RGS6: variants seen among roughly 807,000 people sequenced by gnomAD.
The protein encoded by RGS6 is regulator of G-protein signaling 6.
In RGS6, 30 loss-of-function variants were observed where a neutral mutation model predicts 78.5. That is an observed-to-expected ratio of 0.38 (90% confidence interval 0.29 to 0.52). RGS6 has a LOEUF of 0.52. Ranked by LOEUF, RGS6 falls within the 20% of genes least tolerant of loss-of-function variation. The pLI is 0.85. For synonymous variants in RGS6, 206 were observed against 206.0 expected (o/e 1.00, Z 0.00); for missense variants, 495 against 609.7 (o/e 0.81, Z 1.98).
At chr14:72,502,041 C>T (rs1484530459) in intron 13 of RGS6, among the ~76,000 whole-genome samples, 2 of 152,182 alleles carry the variant, frequency 1.3e-5, no homozygotes, top group Non-Finnish European at 2.9e-5. Context: ...AAGACCAAGG[C>T]CAGATGAAAA....
chr14:72,022,576 TG>T (rs914678830), intron 2 of RGS6: 2 of 152,226 alleles, frequency 1.3e-5, no homozygotes, highest in African/African-American at 4.8e-5. Context: ...TATGGTCACT[TG>T]CTAATACAGG....
rs371109191 is a variant in RGS6, at chr14:71,946,370, C to T, written c.-21+13429C>T. Among the ~76,000 whole-genome samples the T allele has an allele frequency of 2.6e-4, 40 of 152,144 alleles. No homozygotes were observed. The East Asian group carries it at 4.2e-3, about 16-fold the overall frequency. On this transcript the variant is annotated intron_variant, in intron 1 of 17. Transcript: ENST00000553525. ...TCAACTATTAATGGGGTTGCGGGGG[C>T]GGGATGTTCCGTACCCCAGGTCACA...
At chr14:72,348,668 A>T (rs2078517055) in intron 2 of RGS6, among the ~76,000 whole-genome samples, 1 of 152,242 alleles carries the variant, frequency 6.6e-6, no homozygotes, top group South Asian at 2.1e-4. Flanking sequence ...AGAGTTTTAA[A>T]ATAGATGGTG....
At chr14:72,407,017 G>T (rs374778615) in intron 3 of RGS6, among the ~76,000 whole-genome samples, 2 of 152,186 alleles carry the variant, frequency 1.3e-5, no homozygotes, top group East Asian at 3.8e-4. Context: ...GCCACATTGG[G>T]TAATGAAAAC....
the RGS6 span, among the ~76,000 whole-genome samples, chr14:71,875,457 G>T: frequency 6.6e-6 from 1 of 152,126 alleles, no homozygotes; most frequent in Non-Finnish European, 1.5e-5. Flanking sequence ...ATTCTCTGAT[G>T]GTAGTTTGTA....
chr14:72,043,577 A>G (rs751610163), intron 2 of RGS6, among the ~76,000 whole-genome samples: 5 of 152,156 alleles, frequency 3.3e-5, no homozygotes, highest in Non-Finnish European at 5.9e-5. Context: ...CTCTTCTTGC[A>G]TGGTTTCTAA....
At chr14:72,617,540 G>C in the RGS6 span, among the ~76,000 whole-genome samples, 6 of 152,122 alleles carry the variant, frequency 3.9e-5, no homozygotes, top group African/African-American at 1.2e-4. Context: ...CTTTAAATGA[G>C]ACCATTATGT....
chr14:72,114,468 A>T (rs1418205000), intron 2 of RGS6, among the ~76,000 whole-genome samples: 1 of 152,186 alleles, frequency 6.6e-6, no homozygotes, highest in East Asian at 1.9e-4. Context: ...GCCTTCATAA[A>T]CTGTCAGATT....
the RGS6 span, among the ~76,000 whole-genome samples, chr14:72,617,438 C>T: frequency 6.6e-6 from 1 of 152,150 alleles, no homozygotes; most frequent in Non-Finnish European, 1.5e-5. Flanking sequence ...CCTATCCCTC[C>T]CTGGGCCTTC....
the RGS6 span, among the ~76,000 whole-genome samples, chr14:71,924,189 C>T: frequency 6.6e-6 from 1 of 151,870 alleles, no homozygotes; most frequent in African/African-American, 2.4e-5. Context: ...GGACTACAGG[C>T]TTGTGCCACT....
At chr14:72,367,056 C>T (rs1031901187) in intron 3 of RGS6, among the ~76,000 whole-genome samples, 1 of 152,176 alleles carries the variant, frequency 6.6e-6, no homozygotes. Context: ...GTACCAGAGA[C>T]ATGATGTAAT....
intron 3 of RGS6, among the ~76,000 whole-genome samples, chr14:72,387,060 A>G (rs760882578): frequency 3.9e-5 from 6 of 152,180 alleles, no homozygotes; most frequent in Non-Finnish European, 8.8e-5. Flanking sequence ...AACACTGACT[A>G]TGCAATACCT....
At chr14:71,925,111 A>G in the RGS6 span, among the ~76,000 whole-genome samples, 1 of 152,136 alleles carries the variant, frequency 6.6e-6, no homozygotes, top group African/African-American at 2.4e-5. Flanking sequence ...AGCTATTCTA[A>G]TAGGCAGGAG....
At chr14:72,458,510 A>T in intron 5 of RGS6, 133 bp downstream of exon 5, 1 of 682,200 alleles carries the variant, frequency 1.5e-6, no homozygotes, top group Non-Finnish European at 2.5e-6. Context: ...TGGGAAAGCC[A>T]AGAGAACTTT....
At chr14:72,499,066 T>C (rs1227476762) in intron 13 of RGS6, among the ~76,000 whole-genome samples, 1 of 152,162 alleles carries the variant, frequency 6.6e-6, no homozygotes, top group Non-Finnish European at 1.5e-5. Flanking sequence ...AGTGTTCTAC[T>C]CTGTGGGTCA....
At chr14:71,971,477 G>T (rs569688128) in intron 2 of RGS6, among the ~76,000 whole-genome samples, 2 of 151,902 alleles carry the variant, frequency 1.3e-5, no homozygotes, top group African/African-American at 4.8e-5. Flanking sequence ...GGCCTTTGCC[G>T]ACTACTTTCC....
At chr14:72,585,564 G>A in the RGS6 span, among the ~76,000 whole-genome samples, 1 of 152,222 alleles carries the variant, frequency 6.6e-6, no homozygotes, top group Non-Finnish European at 1.5e-5. Context: ...GGGTTGAGAA[G>A]TCTGGAAAAT....
chr14:71,907,821 T>A, the RGS6 span, among the ~76,000 whole-genome samples: 1 of 152,154 alleles, frequency 6.6e-6, no homozygotes, highest in Non-Finnish European at 1.5e-5. Flanking sequence ...GATTGATGTT[T>A]GTGTTCGCCT....
At chr14:72,585,818 T>C in the RGS6 span, among the ~76,000 whole-genome samples, 1 of 152,240 alleles carries the variant, frequency 6.6e-6, no homozygotes, top group Non-Finnish European at 1.5e-5. Flanking sequence ...GGCTACCTTC[T>C]ATACACTTCT....
Sources: allele counts gnomAD v4.1 joint callset (sites outside exome capture counted in the v4.1 genomes callset), GRCh38; gene constraint gnomAD v4.1.1; transcripts MANE v1.5; gene names NCBI Gene and HGNC (gene_info 2026-07-23, HGNC 2026-07-21).